Variants in ANK3 observed in about 807,000 individuals in gnomAD.
ANK3 encodes the protein ankyrin-3.
ANK3 carries 57 observed loss-of-function variants against 370.9 expected under a neutral mutation model. The observed-to-expected ratio is 0.15, with a 90% CI of 0.12 to 0.19. The LOEUF (loss-of-function observed/expected upper bound fraction) is 0.19, where lower values mean the gene tolerates loss of function less well. ANK3 is among the 10% of genes least tolerant of loss of function. The pLI is 1.00. For missense variants in ANK3, 4,439 were observed against 5,302.1 expected (o/e 0.84, Z 5.06); for synonymous variants, 1,929 against 1,946.3 (o/e 0.99, Z 0.23).
intron 1 of ANK3, among the ~76,000 whole-genome samples, chr10:60,697,857 G>A (rs1022414563): frequency 1.3e-5 from 2 of 151,662 alleles, no homozygotes; most frequent in Non-Finnish European, 3.0e-5. Flanking sequence ...AGGACTTCAT[G>A]TCTAAAACAC....
chr10:60,071,602 G>C lies in ANK3; in HGVS notation c.9279C>G (p.Pro3093=), dbSNP rs772983467. The change falls in exon 37 of 44, where the codon CCC becomes CCG. Residue 3093 remains proline, a synonymous_variant. Transcript: ENST00000280772. The stretch of plus-strand genomic sequence containing the variant: ...CCACTTGTACAAAACTGACATAAAC[G>C]GGTAAAGTTTTTATCTCTTTCCCTC... The part of the protein sequence containing the change: ...TEGGKEIKTL[P]VYVSFVQVGK... 1 of 1,613,484 alleles carries C rather than the reference G, an allele frequency of 6.2e-7. No homozygotes were observed. Among genetic ancestry groups the C allele is most frequent in the Non-Finnish European group, 8.5e-7 (1 of 1,179,924 alleles).
chr10:60,505,315 T>C (rs2075908313), intron 2 of ANK3, among the ~76,000 whole-genome samples: 1 of 151,972 alleles, frequency 6.6e-6, no homozygotes, highest in African/African-American at 2.4e-5. Flanking sequence ...GCATAAAAGA[T>C]ATATATATAA....
At chr10:60,494,456 G>A (rs2075601962) in intron 2 of ANK3, among the ~76,000 whole-genome samples, 1 of 151,966 alleles carries the variant, frequency 6.6e-6, no homozygotes, top group Non-Finnish European at 1.5e-5. Context: ...CTCAATTTAG[G>A]CATTCTTGTG....
intron 7 of ANK3, among the ~76,000 whole-genome samples, chr10:60,257,519 C>T (rs564282644): frequency 6.6e-6 from 1 of 152,260 alleles, no homozygotes; most frequent in South Asian, 2.1e-4. Flanking sequence ...ATTCTCTGTT[C>T]TTAAGGATTC....
chr10:60,083,324 T>C (rs190357927), intron 33 of ANK3, among the ~76,000 whole-genome samples, 168 bp downstream of exon 33: 37 of 152,320 alleles, frequency 2.4e-4, no homozygotes, highest in African/African-American at 8.7e-4. Context: ...TTGTAAAGCT[T>C]TACTGGCTTG....
At chr10:60,468,471 G>A (rs1162418013) in intron 2 of ANK3, among the ~76,000 whole-genome samples, 3 of 152,024 alleles carry the variant, frequency 2.0e-5, no homozygotes, top group African/African-American at 7.2e-5. Flanking sequence ...TTAAGTATGG[G>A]TGTCTGATAT....
chr10:60,170,781 C>A (rs2095765568), intron 21 of ANK3, among the ~76,000 whole-genome samples: 1 of 152,076 alleles, frequency 6.6e-6, no homozygotes, highest in Admixed American at 6.5e-5. Context: ...GAAGTTGTAA[C>A]TTAATTTTGT....
At chr10:60,647,065 T>C (rs1475982800) in intron 1 of ANK3, among the ~76,000 whole-genome samples, 1 of 152,212 alleles carries the variant, frequency 6.6e-6, no homozygotes, top group Non-Finnish European at 1.5e-5. Flanking sequence ...AACAATAACA[T>C]ATTTGAATCA....
chr10:60,190,538 A>G (rs1442262932), intron 16 of ANK3, among the ~76,000 whole-genome samples: 1 of 152,202 alleles, frequency 6.6e-6, no homozygotes. Context: ...TGCACATAGA[A>G]GTGGCCAGTG....
intron 1 of ANK3, among the ~76,000 whole-genome samples, chr10:60,366,029 CTG>C (rs778419598): frequency 1.2e-4 from 18 of 152,090 alleles, no homozygotes; most frequent in Admixed American, 7.2e-4. Context: ...GGCAAAATAC[CTG>C]TGTTTTAGGA....
chr10:60,325,433 AC>A (rs922516173), intron 1 of ANK3, among the ~76,000 whole-genome samples: 16 of 151,986 alleles, frequency 1.1e-4, no homozygotes, highest in African/African-American at 3.1e-4. Flanking sequence ...GCCTGAGACC[AC>A]CCCCCTGCCC....
chr10:60,704,751 T>A (rs1387204934), intron 1 of ANK3, among the ~76,000 whole-genome samples: 1 of 152,130 alleles, frequency 6.6e-6, no homozygotes, highest in Non-Finnish European at 1.5e-5. Context: ...CAGCAGGGGG[T>A]TAGCCAGTAA....
intron 25 of ANK3, among the ~76,000 whole-genome samples, chr10:60,119,956 A>C (rs2132131083): frequency 6.6e-6 from 1 of 152,314 alleles, no homozygotes; most frequent in South Asian, 2.1e-4. Flanking sequence ...GAAATTTAAA[A>C]AAAAATCCTA....
At chr10:60,302,152 C>T (rs35412732) in intron 1 of ANK3, among the ~76,000 whole-genome samples, 21,287 of 152,046 alleles carry the variant, frequency 0.14, 1,601 homozygotes, top group African/African-American at 0.16. Context: ...AGACAGATGA[C>T]AAACCATAAA....
upstream of ANK3, among the ~76,000 whole-genome samples, chr10:60,394,242 A>C (rs555824811): frequency 6.6e-6 from 1 of 151,412 alleles, no homozygotes; most frequent in Admixed American, 6.6e-5. Flanking sequence ...TAAACTTGTC[A>C]ATGGTTATAA....
At chr10:60,376,620 G>A (rs1165599344) in intron 1 of ANK3, among the ~76,000 whole-genome samples, 1 of 152,182 alleles carries the variant, frequency 6.6e-6, no homozygotes, top group Non-Finnish European at 1.5e-5. Context: ...CTTAGCCACT[G>A]GGCAGGACTG....
At chr10:60,220,592 T>G (rs2097031641) in intron 8 of ANK3, among the ~76,000 whole-genome samples, 1 of 152,230 alleles carries the variant, frequency 6.6e-6, no homozygotes, top group Non-Finnish European at 1.5e-5. Context: ...AATAACTCTT[T>G]CAACCTGAAT....
chr10:60,218,483 A>G (rs1430380236), intron 8 of ANK3, among the ~76,000 whole-genome samples: 2 of 152,114 alleles, frequency 1.3e-5, no homozygotes, highest in Admixed American at 6.5e-5. Context: ...CCTGGTGGTA[A>G]TGGAATCCCT....
upstream of ANK3, among the ~76,000 whole-genome samples, chr10:60,394,650 A>T (rs900819151): frequency 1.3e-4 from 20 of 152,194 alleles, no homozygotes; most frequent in African/African-American, 4.8e-4. Context: ...CCTCCGTTGC[A>T]CACAGAAGGC....
Sources: gnomAD v4.1 joint callset for allele counts (sites outside exome capture counted in the v4.1 genomes callset) on GRCh38, gnomAD v4.1.1 for gene constraint, MANE v1.5 for transcripts, NCBI Gene and HGNC (gene_info 2026-07-23, HGNC 2026-07-21) for gene names.